ING3: variants seen among roughly 807,000 people sequenced by gnomAD.
ING3 encodes inhibitor of growth protein 3.
A neutral mutation model predicts 64.8 loss-of-function variants in ING3; 6 were observed. The ratio of observed to expected loss-of-function variants is 0.09; its 90% CI spans 0.05 to 0.18. ING3 has a LOEUF of 0.18. Ranked by LOEUF, ING3 falls within the 10% of genes least tolerant of loss-of-function variation. The probability of loss-of-function intolerance (pLI) is 1.00; values close to 1 mark genes in which losing one functional copy is unlikely to be tolerated. For synonymous variants in ING3, 170 were observed against 173.7 expected, an observed-to-expected ratio of 0.98 and a Z score of 0.17; for missense variants, 310 against 489.7, an observed-to-expected ratio of 0.63 and a Z score of 3.46.
chr7:120,972,179 G>T (rs1367725646), intron 10 of ING3, among the ~76,000 whole-genome samples: 1 of 151,798 alleles, frequency 6.6e-6, no homozygotes, highest in Non-Finnish European at 1.5e-5. Context: ...GCAAGCCATG[G>T]ATTATATACT....
intron 9 of ING3, among the ~76,000 whole-genome samples, chr7:120,970,333 C>T (rs557182985): frequency 2.0e-5 from 3 of 151,884 alleles, no homozygotes; most frequent in African/African-American, 7.2e-5. Flanking sequence ...GGCATGGTGG[C>T]GGGCGCCTGT....
Position 120,951,023 on chromosome 7 carries a change from G to A in ING3, c.28+99G>A. ...AGATGGCGGGAGGGAGGGGGCGGCG[G>A]GGGATGTTTCTTTCTCACGGTAACT... On this transcript the variant is annotated intron_variant, in intron 1 of 11. Transcript: ENST00000315870. The A allele has an allele frequency of 7.3e-6, 11 of 1,500,740 alleles. 1 individual carries two copies. Among genetic ancestry groups the A allele is most frequent in the South Asian group, 5.7e-5 (5 of 88,386 alleles). 93.0% of individuals were successfully genotyped at this position (1,500,740 alleles called of 1,614,324 possible).
intron 2 of ING3, 102 bp downstream of exon 2, chr7:120,951,337 T>C: frequency 3.6e-6 from 4 of 1,109,152 alleles, no homozygotes; most frequent in Non-Finnish European, 5.4e-6. Context: ...GTCCTCTGGC[T>C]CACTCCGCTA....
intron 4 of ING3, among the ~76,000 whole-genome samples, chr7:120,957,355 G>C (rs1262240863): frequency 6.6e-6 from 1 of 150,644 alleles, no homozygotes; most frequent in Non-Finnish European, 1.5e-5. Flanking sequence ...CTGGGCGACA[G>C]AGAGCGACTC....
chr7:120,954,613 T>C (rs1266615028), intron 3 of ING3, among the ~76,000 whole-genome samples: 1 of 152,184 alleles, frequency 6.6e-6, no homozygotes, highest in Non-Finnish European at 1.5e-5. Context: ...GACATGTGTT[T>C]GTGAGTAAAG....
Position 120,974,799 on chromosome 7 carries a change from A to C in ING3, c.1212A>C (p.Pro404=). 1 of 1,612,892 alleles carries C rather than the reference A, an allele frequency of 6.2e-7. No homozygotes were observed. The highest frequency in any genetic ancestry group is 8.5e-7 in the Non-Finnish European group (1 of 1,179,102). Residue 404 remains proline (P), a synonymous_variant, in exon 12 of 12, where the codon CCA becomes CCC. Coordinates refer to ENST00000315870, the MANE Select transcript of ING3 (RefSeq NM_019071.3). ...TEAPKGKWYC[P]QCTAAMKRRG... is the part of the protein sequence containing the mutation. ...CACCAAAAGGCAAATGGTACTGTCCACAGTGCACTGCTGCAATGAAGAGAA... is the reference window on the plus strand; with the variant it reads ...CACCAAAAGGCAAATGGTACTGTCCCCAGTGCACTGCTGCAATGAAGAGAA...
chr7:120,956,133 A>G, intron 4 of ING3: 1 of 1,524,282 alleles, frequency 6.6e-7, no homozygotes. Flanking sequence ...AAGATGACAA[A>G]CTTTAAACAA....
chr7:120,955,422 C>A, intron 3 of ING3, 137 bp from the exon 4 acceptor site: 1 of 613,724 alleles, frequency 1.6e-6, no homozygotes, highest in East Asian at 3.0e-5. Flanking sequence ...CTGCCCCTGG[C>A]CTCTAACAGG....
intron 4 of ING3, chr7:120,956,810 G>C (rs1193167346): frequency 2.1e-6 from 2 of 974,742 alleles, no homozygotes; most frequent in African/African-American, 3.5e-5. Context: ...TTCAATGACT[G>C]TATGTATCAG....
At chr7:120,972,297 T>C (rs1307962284) in intron 10 of ING3, among the ~76,000 whole-genome samples, 1 of 152,182 alleles carries the variant, frequency 6.6e-6, no homozygotes, top group African/African-American at 2.4e-5. Flanking sequence ...CTTCAGTTTC[T>C]TCACATTTAA....
In ING3 at chr7:120,961,701, G is replaced by A. The variant is rs560508758; in HGVS notation, c.268-3041G>A. On this transcript the variant is annotated intron_variant, in intron 4 of 11. Transcript: ENST00000315870. The stretch of plus-strand genomic sequence containing the variant: ...CATGAGTGTGTTAACAAGTAATGTT[G>A]GTAGAATATCCTTTGTCTTTAAAGA... Among the ~76,000 whole-genome samples, 3 of 152,264 alleles carry A rather than the reference G, an allele frequency of 2.0e-5. No individual in the cohort carries two copies. In the East Asian group the frequency reaches 5.8e-4, roughly 29 times the overall value.
intron 4 of ING3, 106 bp from the exon 5 acceptor site, chr7:120,964,635 AC>A: frequency 1.3e-6 from 1 of 755,164 alleles, no homozygotes; most frequent in Non-Finnish European, 2.3e-6. Flanking sequence ...GCTCAAGGAT[AC>A]TAAGCAGATT....
At chr7:120,950,980 G>A in intron 1 of ING3, 56 bp downstream of exon 1, 1 of 1,601,430 alleles carries the variant, frequency 6.2e-7, no homozygotes, top group Non-Finnish European at 8.5e-7. Flanking sequence ...GGGCAAGAGC[G>A]CGAGTGGACG....
intron 1 of ING3, 46 bp downstream of exon 1, chr7:120,950,970 G>T (rs781289253): frequency 3.1e-6 from 5 of 1,609,744 alleles, no homozygotes; most frequent in Non-Finnish European, 4.2e-6. Context: ...ACGTGCGGGC[G>T]GGCAAGAGCG....
intron 11 of ING3, among the ~76,000 whole-genome samples, chr7:120,974,358 G>A (rs1796108263): frequency 6.6e-6 from 1 of 152,140 alleles, no homozygotes; most frequent in African/African-American, 2.4e-5. Context: ...TTATGAGACA[G>A]CAAATAAGGC....
At position 120,976,765 on chromosome 7, in the gene ING3, TTTCAG is replaced by T. The variant is rs1166122125; in HGVS notation, c.*1923_*1927del. On this transcript the variant is annotated 3_prime_UTR_variant, in exon 12 of 12. Transcript: ENST00000315870. ...CCTGTTATCCAGCTGCTACATCCCC[TTTCAG>T]TGTGAATTCCACTCCTTACCAAATC... The T allele has an allele frequency of 6.6e-6, 1 of 152,206 alleles. No individual in the cohort carries two copies. Among genetic ancestry groups the T allele is most frequent in the Non-Finnish European group, 1.5e-5 (1 of 68,020 alleles). 9.4% of individuals were successfully genotyped at this position (152,206 alleles called of 1,614,324 possible).
chr7:120,975,762 T>C lies in ING3; in HGVS notation c.*918T>C, dbSNP rs1796127577. The C allele has an allele frequency of 6.6e-6, 1 of 152,194 alleles. No homozygotes were observed. The allele number at this position is 152,194 out of a possible 1,614,324, so 9.4% of individuals were successfully genotyped here. A position where few individuals can be genotyped will look rare whatever the true frequency, so the allele number is the denominator to read the frequency against. Reference sequence around the variant, plus strand: ...ATCAGAGACCCAGGACACAGAATACTGTGTAATCTGTGATGTCTTTAATGA... The same window carrying C: ...ATCAGAGACCCAGGACACAGAATACCGTGTAATCTGTGATGTCTTTAATGA... On this transcript the variant is annotated 3_prime_UTR_variant, in exon 12 of 12. Coordinates refer to ENST00000315870, the MANE Select transcript of ING3 (RefSeq NM_019071.3).
rs191955506 is a variant in ING3, at chr7:120,973,083, A to G, written c.1102-122A>G. The G allele has an allele frequency of 1.4e-4, 86 of 602,970 alleles. No individual in the cohort carries two copies. In the Admixed American group the frequency reaches 2.5e-3, roughly 17 times the overall value. The allele number at this position is 602,970 out of a possible 1,614,324, so 37.4% of individuals were successfully genotyped here. A position where few individuals can be genotyped will look rare whatever the true frequency, so the allele number is the denominator to read the frequency against. ...AAAAATTATTATACCTTGATTCTCA[A>G]TGTAATTGTATATTCAGTGTATTTC... On this transcript the variant is annotated intron_variant, in intron 10 of 11. Coordinates refer to ENST00000315870, the MANE Select transcript of ING3 (RefSeq NM_019071.3).
intron 4 of ING3, chr7:120,956,419 T>TG: frequency 8.0e-7 from 1 of 1,249,680 alleles, no homozygotes; most frequent in Non-Finnish European, 1.0e-6. Flanking sequence ...CAAGTACGTG[T>TG]AAGTAAAATG....
Sources: allele counts gnomAD v4.1 joint callset (sites outside exome capture counted in the v4.1 genomes callset), GRCh38; gene constraint gnomAD v4.1.1; transcripts MANE v1.5; gene names NCBI Gene and HGNC (gene_info 2026-07-23, HGNC 2026-07-21).